The following LMO3 variants were observed in gnomAD, a reference collection of about 807,000 sequenced individuals.
LMO3 encodes the protein LIM domain only 3, also known as LIM domain only protein 3.
In LMO3, 2 loss-of-function variants were observed where a neutral mutation model predicts 15.8. The ratio of observed to expected loss-of-function variants is 0.13; its 90% CI spans 0.05 to 0.40. The LOEUF is 0.40. LMO3 is among the 10% of genes least tolerant of loss of function. The pLI, the probability that LMO3 is intolerant of heterozygous loss-of-function variation, is 0.99. For synonymous variants in LMO3, 62 were observed against 63.8 expected (o/e 0.97, Z 0.13); for missense variants, 86 against 182.2 (o/e 0.47, Z 3.04).
At chr12:16,606,041 G>A (rs1943985558) in intron 1 of LMO3, 25 bp downstream of exon 1, 5 of 589,172 alleles carry the variant, frequency 8.5e-6, no homozygotes, top group Admixed American at 3.0e-5. Context: ...AAGCCGACGC[G>A]TGTGTACACA....
upstream of LMO3, chr12:16,609,608 A>T (rs1284916432): frequency 7.9e-5 from 12 of 152,104 alleles, no homozygotes. Flanking sequence ...TAAAGGAAAA[A>T]AAAAGGCAGA....
At chr12:16,574,142 A>C (rs920611297) in intron 2 of LMO3, among the ~76,000 whole-genome samples, 2 of 152,122 alleles carry the variant, frequency 1.3e-5, no homozygotes, top group African/African-American at 2.4e-5. Context: ...TAAAAATGCA[A>C]CACCACCAAG....
upstream of LMO3, among the ~76,000 whole-genome samples, chr12:16,609,450 A>T (rs544949245): frequency 6.6e-6 from 1 of 152,278 alleles, no homozygotes; most frequent in East Asian, 1.9e-4. Context: ...TTAATTACAG[A>T]TCCTTTGGAA....
At chr12:16,553,738 T>C (rs1942078628) in intron 3 of LMO3, among the ~76,000 whole-genome samples, 1 of 151,818 alleles carries the variant, frequency 6.6e-6, no homozygotes, top group Non-Finnish European at 1.5e-5. Context: ...TATATAAATA[T>C]AAAGAAATTT....
intron 2 of LMO3, among the ~76,000 whole-genome samples, chr12:16,561,569 T>A (rs1942406140): frequency 6.6e-6 from 1 of 152,236 alleles, no homozygotes; most frequent in Admixed American, 6.5e-5. Flanking sequence ...ATTTTGGTTA[T>A]AAAAATGTAC....
intron 2 of LMO3, among the ~76,000 whole-genome samples, chr12:16,580,016 T>A (rs1943110777): frequency 6.6e-6 from 1 of 152,216 alleles, no homozygotes; most frequent in African/African-American, 2.4e-5. Context: ...CAGTTTATCA[T>A]CTCATGATCA....
At chr12:16,565,701 A>G (rs1006801496) in intron 2 of LMO3, among the ~76,000 whole-genome samples, 3 of 151,948 alleles carry the variant, frequency 2.0e-5, no homozygotes, top group African/African-American at 4.8e-5. Context: ...CCTGAAGTTA[A>G]GATTAAAAGG....
At chr12:16,580,611 T>C (rs1368121151) in intron 2 of LMO3, among the ~76,000 whole-genome samples, 1 of 152,174 alleles carries the variant, frequency 6.6e-6, no homozygotes, top group Non-Finnish European at 1.5e-5. Flanking sequence ...TGGAAAAATG[T>C]AGATCATAGT....
chr12:16,607,430 AT>A (rs11303135), upstream of LMO3: 99,559 of 147,570 alleles, frequency 0.67, 34,106 homozygotes, highest in African/African-American at 0.83. Context: ...GCCTTGACAG[AT>A]TTTTTTTTTT....
intron 2 of LMO3, chr12:16,594,100 C>T (rs10846380): frequency 0.39 from 600,091 of 1,522,000 alleles, 121,025 homozygotes; most frequent in Non-Finnish European, 0.41. Context: ...AATTAGCTGG[C>T]GTCAGGTGTT....
intron 3 of LMO3, among the ~76,000 whole-genome samples, chr12:16,556,917 G>A (rs1375475203): frequency 6.6e-6 from 1 of 152,134 alleles, no homozygotes; most frequent in East Asian, 1.9e-4. Flanking sequence ...TGTAATAAAT[G>A]AAGCGAACAC....
At chr12:16,607,144 G>A (rs988315630), upstream of LMO3, 5 of 148,978 alleles carry the variant, frequency 3.4e-5, no homozygotes, top group Non-Finnish European at 7.4e-5. Context: ...CTGGTTCAGG[G>A]GATCACACAC....
intron 3 of LMO3, among the ~76,000 whole-genome samples, chr12:16,556,820 T>TGTC (rs1942209631): frequency 6.6e-6 from 1 of 152,200 alleles, no homozygotes; most frequent in African/African-American, 2.4e-5. Context: ...CGCATTAGTT[T>TGTC]GTCTTGTAGG....
In LMO3 at chr12:16,604,996, T is replaced by C. The variant is rs527528077; in HGVS notation, c.-9+1070A>G. The C allele has an allele frequency of 8.5e-5, 136 of 1,594,270 alleles. No individual in the cohort carries two copies. The African/African-American group carries it at 1.7e-3, about 20-fold the overall frequency. On this transcript the variant is annotated intron_variant, in intron 1 of 3. Coordinates refer to ENST00000537304, the MANE Select transcript of LMO3 (RefSeq NM_018640.5). The surrounding 1 kb of genome is among the most constrained non-coding windows in gnomAD (Gnocchi z 5.3). The stretch of plus-strand genomic sequence containing the variant: ...TGATTTCGCTTAAGTGTGGACCTGG[T>C]GCGCAGCCTACACCGCCGAGGACCG...
chr12:16,595,177 C>A (rs1320359512), intron 2 of LMO3, among the ~76,000 whole-genome samples: 1 of 151,144 alleles, frequency 6.6e-6, no homozygotes, highest in Non-Finnish European at 1.5e-5. Context: ...TATAAAGATA[C>A]AGAAACATTA....
rs1943431488 is a variant in LMO3 at position 16,589,710 on chromosome 12, A to T, written c.206+10945T>A. On this transcript the variant is annotated intron_variant, in intron 2 of 3. Transcript: ENST00000537304. This position sits in a 1 kb window ranked among gnomAD's most constrained non-coding sequence, Gnocchi z 4.2. ...CAAGATCAAGCAACTTTTCTTTAAG[A>T]TCAAGCTCAAATTGATCTGCCTTGG... The T allele has an allele frequency of 6.6e-6, 1 of 152,114 alleles. No individual in the cohort carries two copies. Among genetic ancestry groups the T allele is most frequent in the Non-Finnish European group, 1.5e-5 (1 of 67,994 alleles). 9.4% of individuals were successfully genotyped at this position (152,114 alleles called of 1,614,324 possible).
chr12:16,607,709 C>T (rs200001220), upstream of LMO3: 8 of 151,244 alleles, frequency 5.3e-5, no homozygotes, highest in Non-Finnish European at 1.0e-4. Context: ...CTACAAAAAA[C>T]TTTTTTTCTT....
intron 2 of LMO3, among the ~76,000 whole-genome samples, chr12:16,572,191 TAAG>T (rs925335018): frequency 3.5e-4 from 53 of 152,042 alleles, no homozygotes; most frequent in African/African-American, 1.2e-3. Context: ...AATCCAGTAT[TAAG>T]AAGGAGAAAT....
intron 3 of LMO3, among the ~76,000 whole-genome samples, chr12:16,553,660 G>T (rs890257166): frequency 1.3e-5 from 2 of 152,094 alleles, no homozygotes; most frequent in Non-Finnish European, 2.9e-5. Context: ...AGCCTTGAAA[G>T]CTGTGGTTAA....
Sources: allele counts gnomAD v4.1 joint callset (sites outside exome capture counted in the v4.1 genomes callset), GRCh38; gene constraint gnomAD v4.1.1; non-coding constraint Gnocchi (gnomAD v3.1); transcripts MANE v1.5; gene names NCBI Gene and HGNC (gene_info 2026-07-23, HGNC 2026-07-21).